Variants in PITPNC1 observed in about 807,000 individuals in gnomAD.
The protein encoded by PITPNC1 is phosphatidylinositol transfer protein cytoplasmic 1.
In PITPNC1, 18 loss-of-function variants were observed where a neutral mutation model predicts 44.7. The ratio of observed to expected loss-of-function variants is 0.40; its 90% CI spans 0.28 to 0.60. The LOEUF is 0.60. Ranked by LOEUF, PITPNC1 falls within the 20% of genes least tolerant of loss-of-function variation. PITPNC1 has a pLI of 0.39. For missense variants in PITPNC1, 290 were observed against 418.4 expected (o/e 0.69, Z 2.68); for synonymous variants, 141 against 149.6 (o/e 0.94, Z 0.42).
intron 1 of PITPNC1, among the ~76,000 whole-genome samples, chr17:67,426,536 C>A (rs1182515458): frequency 1.3e-5 from 2 of 151,712 alleles, no homozygotes; most frequent in Non-Finnish European, 1.5e-5. Flanking sequence ...CGTGTTCTCA[C>A]TCATAAGTGG....
chr17:67,382,697 T>G (rs991496434), intron 1 of PITPNC1, among the ~76,000 whole-genome samples: 1 of 152,058 alleles, frequency 6.6e-6, no homozygotes, highest in Non-Finnish European at 1.5e-5. Flanking sequence ...TGATTTCGGC[T>G]CACTGCGACC....
intron 6 of PITPNC1, among the ~76,000 whole-genome samples, chr17:67,645,844 GC>G (rs1212026536): frequency 6.6e-6 from 1 of 152,202 alleles, no homozygotes; most frequent in African/African-American, 2.4e-5. Context: ...AAGACTCTAG[GC>G]CGGCTGTGAT....
chr17:67,615,432 G>A (rs960150909), intron 5 of PITPNC1, among the ~76,000 whole-genome samples: 1 of 152,164 alleles, frequency 6.6e-6, no homozygotes, highest in African/African-American at 2.4e-5. Flanking sequence ...TCAGAGAGCA[G>A]GGCTGCCGGC....
rs374518758 is a variant in PITPNC1 at position 67,429,989 on chromosome 17, G to C, written c.48+51787G>C. On this transcript the variant is annotated intron_variant, in intron 1 of 8. Coordinates refer to ENST00000581322, the MANE Select transcript of PITPNC1 (RefSeq NM_012417.4). ...TAGGAATCATTTAGGAATTATCAGT[G>C]TAGTGGAAACAGCCTTGCTTTGAAA... 3.1e-3 allele frequency among the ~76,000 whole-genome samples: 468 copies of C among 152,302 alleles called. 4 individuals are homozygous for C. The highest frequency in any genetic ancestry group is 0.027 in the Middle Eastern group (8 of 294).
At chr17:67,467,484 A>G (rs961924876) in intron 1 of PITPNC1, among the ~76,000 whole-genome samples, 1 of 152,116 alleles carries the variant, frequency 6.6e-6, no homozygotes, top group African/African-American at 2.4e-5. Flanking sequence ...CTGGAGTATT[A>G]ATGGATGTTG....
rs562776879 is a variant in PITPNC1 at position 67,631,068 on chromosome 17, A to G, written c.367-1075A>G. Among the ~76,000 whole-genome samples the G allele has an allele frequency of 7.9e-3, 1,155 of 145,970 alleles. 16 individuals are homozygous for G. Among genetic ancestry groups the G allele is most frequent in the African/African-American group, 0.027 (1,092 of 40,136 alleles). ...TGTTGTTGTTGTTATTATTATTATT[A>G]TTATTATTATTATTATTATTATTAT... On this transcript the variant is annotated intron_variant, in intron 5 of 8. Transcript: ENST00000581322.
chr17:67,385,909 T>G (rs1362730571), intron 1 of PITPNC1, among the ~76,000 whole-genome samples: 1 of 152,138 alleles, frequency 6.6e-6, no homozygotes, highest in African/African-American at 2.4e-5. Flanking sequence ...TCCCAGTGAC[T>G]TGGGTGGAAG....
intron 6 of PITPNC1, among the ~76,000 whole-genome samples, chr17:67,636,423 C>T (rs950917635): frequency 6.6e-5 from 10 of 152,186 alleles, no homozygotes; most frequent in African/African-American, 9.7e-5. Flanking sequence ...CCACCCCTGG[C>T]CCGCCCTGGA....
chr17:67,623,366 ATTTTCTTTTC>A (rs555642155), intron 5 of PITPNC1, among the ~76,000 whole-genome samples: 5 of 151,736 alleles, frequency 3.3e-5, no homozygotes, highest in African/African-American at 9.7e-5. Context: ...AGGATAATAG[ATTTTCTTTTC>A]TTTTCTTTTC....
At chr17:67,434,847 G>A (rs1369860185) in intron 1 of PITPNC1, among the ~76,000 whole-genome samples, 3 of 150,242 alleles carry the variant, frequency 2.0e-5, no homozygotes, top group African/African-American at 7.3e-5. Context: ...GGTGGCTCAC[G>A]CCTGTAATCC....
intron 5 of PITPNC1, among the ~76,000 whole-genome samples, chr17:67,585,118 G>GA (rs397857902): frequency 0.12 from 9,942 of 81,828 alleles, 528 homozygotes; most frequent in Admixed American, 0.19. Flanking sequence ...CTCCATCTCA[G>GA]AAAAAAAAAA....
chr17:67,565,041 A>G (rs533460414), intron 4 of PITPNC1, among the ~76,000 whole-genome samples: 4 of 151,820 alleles, frequency 2.6e-5, no homozygotes, highest in African/African-American at 4.8e-5. Context: ...CTCGTTTGCC[A>G]TGTTTTTCAG....
intron 5 of PITPNC1, among the ~76,000 whole-genome samples, chr17:67,628,530 A>T (rs1483952698): frequency 6.6e-6 from 1 of 152,232 alleles, no homozygotes; most frequent in East Asian, 1.9e-4. Context: ...CAAACTTGGC[A>T]GGGGCCTCTC....
intron 2 of PITPNC1, among the ~76,000 whole-genome samples, chr17:67,544,081 C>T (rs1429686712): frequency 1.3e-5 from 2 of 152,192 alleles, no homozygotes; most frequent in African/African-American, 4.8e-5. Flanking sequence ...GAACTCCTGA[C>T]CTCAGGTGAT....
chr17:67,531,752 C>G (rs555285941), intron 1 of PITPNC1, among the ~76,000 whole-genome samples: 10 of 152,276 alleles, frequency 6.6e-5, no homozygotes, highest in African/African-American at 1.2e-4. Flanking sequence ...AGACTCAGGC[C>G]CCACTCCCCC....
chr17:67,405,167 A>C (rs972211404), intron 1 of PITPNC1, among the ~76,000 whole-genome samples: 1 of 152,080 alleles, frequency 6.6e-6, no homozygotes, highest in Non-Finnish European at 1.5e-5. Context: ...GAATCACTTG[A>C]ACCCAGGAGT....
intron 6 of PITPNC1, among the ~76,000 whole-genome samples, chr17:67,641,439 A>G (rs759376995): frequency 3.9e-5 from 6 of 152,208 alleles, no homozygotes; most frequent in Non-Finnish European, 5.9e-5. Context: ...TTCACTAACC[A>G]CATAAGCTTG....
intron 1 of PITPNC1, among the ~76,000 whole-genome samples, chr17:67,447,972 GT>G (rs2039124107): frequency 6.7e-6 from 1 of 148,652 alleles, no homozygotes; most frequent in Non-Finnish European, 1.5e-5. Flanking sequence ...TTCAGATGGG[GT>G]CTTGCTCTGT....
At chr17:67,468,929 A>G (rs1218388675) in intron 1 of PITPNC1, among the ~76,000 whole-genome samples, 1 of 151,964 alleles carries the variant, frequency 6.6e-6, no homozygotes, top group Non-Finnish European at 1.5e-5. Context: ...AGGTTTCGCC[A>G]TGTTGGCCAG....
Sources: gnomAD v4.1 joint callset for allele counts (sites outside exome capture counted in the v4.1 genomes callset) on GRCh38, gnomAD v4.1.1 for gene constraint, MANE v1.5 for transcripts, NCBI Gene and HGNC (gene_info 2026-07-23, HGNC 2026-07-21) for gene names.